CD164: variants seen among roughly 807,000 people sequenced by gnomAD.
CD164 encodes the protein CD164 molecule.
CD164 carries 11 observed loss-of-function variants against 24.6 expected under a neutral mutation model. The ratio of observed to expected loss-of-function variants is 0.45; its 90% confidence interval spans 0.28 to 0.74. CD164 has a LOEUF of 0.74. Ranked by LOEUF, CD164 falls within the 30% of genes least tolerant of loss-of-function variation. The pLI is 0.13. For missense variants in CD164, 295 were observed against 243.7 expected (o/e 1.21, Z -1.40); for synonymous variants, 126 against 100.3 (o/e 1.26, Z -1.53).
chr6:109,378,082 CA>C (rs1771522182), intron 2 of CD164, 111 bp from the exon 3 acceptor site: 1 of 809,730 alleles, frequency 1.2e-6, no homozygotes, highest in Non-Finnish European at 2.0e-6. Flanking sequence ...TAGAAGTGGG[CA>C]GGGGGAACCA....
At chr6:109,372,149 T>C (rs1562237287) in intron 4 of CD164, 1 of 152,178 alleles carries the variant, frequency 6.6e-6, no homozygotes, top group East Asian at 1.9e-4. Flanking sequence ...TTTCACTGCA[T>C]TAGACTTTCA....
Position 109,377,932 on chromosome 6 carries a change from C to T in CD164, c.299G>A (p.Cys100Tyr). ...GAAGTCTGTCGTGTTCCCCACTTGA[C>T]AATCACTAACTGTTGAGTTATGTGA... ...YCSHNSTVSD[C>Y]QVGNTTDFCS... Residue 100 changes from cysteine (C) to tyrosine (Y), a missense_variant, in exon 3 of 6, where the codon TGT becomes TAT. By Grantham distance (194) the Cys-to-Tyr change is radical. Transcript: ENST00000310786. 1 of 1,613,868 alleles carries T rather than the reference C, an allele frequency of 6.2e-7. No individual in the cohort carries two copies.
rs1771770230 is a variant in CD164 at position 109,381,842 on chromosome 6, C to T, written c.175+362G>A. 44 of 537,014 alleles carry T rather than the reference C, an allele frequency of 8.2e-5. 2 individuals carry two copies. In the South Asian group the frequency reaches 1.0e-3, roughly 12 times the overall value. The allele number at this position is 537,014 out of a possible 1,614,324, so 33.3% of individuals were successfully genotyped here. On this transcript the variant is annotated intron_variant, in intron 1 of 5. Transcript: ENST00000310786. ...CAACCTCAGAGGCGCGACGCCCGGC[C>T]CCATCCTCAACCCCACCGCTGCCCC...
intron 2 of CD164, 118 bp downstream of exon 2, chr6:109,379,460 AT>A (rs1350782030): frequency 3.5e-5 from 25 of 715,822 alleles, no homozygotes; most frequent in Non-Finnish European, 5.5e-5. Flanking sequence ...GGAGTACTGG[AT>A]TTGCAAAATA....
intron 5 of CD164, 124 bp downstream of exon 5, chr6:109,370,287 G>T: frequency 1.3e-6 from 1 of 744,678 alleles, no homozygotes; most frequent in Non-Finnish European, 2.3e-6. Flanking sequence ...CCCCCTAAGA[G>T]TAAGAGAAGA....
At chr6:109,377,557 G>A (rs1053439914) in intron 3 of CD164, among the ~76,000 whole-genome samples, 2 of 151,054 alleles carry the variant, frequency 1.3e-5, no homozygotes, top group Admixed American at 6.6e-5. Context: ...CCCCAGTATC[G>A]CAACACCAAA....
At chr6:109,379,255 T>C (rs1297873488) in intron 2 of CD164, among the ~76,000 whole-genome samples, 5 of 152,192 alleles carry the variant, frequency 3.3e-5, no homozygotes, top group Non-Finnish European at 5.9e-5. Flanking sequence ...ATCTGTAGTC[T>C]TGGCTACTAG....
At chr6:109,379,404 CA>C (rs1215972331) in intron 2 of CD164, among the ~76,000 whole-genome samples, 174 bp downstream of exon 2, 2 of 152,076 alleles carry the variant, frequency 1.3e-5, no homozygotes, top group African/African-American at 4.8e-5. Flanking sequence ...GGATGGGAGA[CA>C]AAAAGAGATT....
intron 4 of CD164, among the ~76,000 whole-genome samples, chr6:109,374,505 C>G (rs368190341): frequency 6.6e-6 from 1 of 152,296 alleles, no homozygotes; most frequent in Non-Finnish European, 1.5e-5. Flanking sequence ...ATTATTGTAA[C>G]AGGCTATCTA....
At chr6:109,372,998 G>A (rs1771170047) in intron 4 of CD164, 1 of 135,448 alleles carries the variant, frequency 7.4e-6, no homozygotes, top group African/African-American at 2.6e-5. Context: ...TACCTCTGTT[G>A]ACCTACTGTT....
rs965889355 is a variant in CD164, at chr6:109,367,136, T to C, written c.*1715A>G. On this transcript the variant is annotated 3_prime_UTR_variant, in exon 6 of 6. Transcript: ENST00000310786. ...GAATATTACTAATGGAAACAAAAAA[T>C]GTGAGGTAAACCGACCTTTCCCCAA... The C allele has an allele frequency of 6.6e-6, 1 of 152,552 alleles. No individual in the cohort carries two copies. Among genetic ancestry groups the C allele is most frequent in the Non-Finnish European group, 1.5e-5 (1 of 68,000 alleles). The allele number at this position is 152,552 out of a possible 1,614,324, so 9.4% of individuals were successfully genotyped here.
At chr6:109,379,464 G>A in intron 2 of CD164, 115 bp downstream of exon 2, 1 of 749,888 alleles carries the variant, frequency 1.3e-6, no homozygotes, top group Non-Finnish European at 2.2e-6. Flanking sequence ...TACTGGATTT[G>A]CAAAATAAAT....
intron 3 of CD164, among the ~76,000 whole-genome samples, chr6:109,377,603 C>G (rs1247775105): frequency 6.8e-6 from 1 of 147,524 alleles, no homozygotes; most frequent in Admixed American, 6.8e-5. Context: ...CTGCAAGATG[C>G]AAACATAGCG....
In CD164 at chr6:109,382,277, C is replaced by A. The variant is rs1771813435; in HGVS notation, c.102G>T (p.Thr34=). Residue 34 remains threonine (T), a synonymous_variant, in exon 1 of 6, where the codon ACG becomes ACT. Transcript: ENST00000310786. The part of the protein sequence containing the change: ...DKNTTQHPNV[T]TLAPISNVTS... ...TTACGTTGGAGATGGGCGCTAAAGTCGTCACGTTCGGGTGCTGGGTCGTGT... is the reference window on the plus strand; with the variant it reads ...TTACGTTGGAGATGGGCGCTAAAGTAGTCACGTTCGGGTGCTGGGTCGTGT... 24 of 1,588,364 alleles carry A rather than the reference C, an allele frequency of 1.5e-5. No homozygotes were observed. The highest frequency in any genetic ancestry group is 2.0e-5 in the Non-Finnish European group (23 of 1,170,044).
intron 1 of CD164, chr6:109,381,899 C>T (rs2115175431): frequency 2.1e-6 from 1 of 466,912 alleles, no homozygotes; most frequent in Non-Finnish European, 3.8e-6. Context: ...CATTTCCGAC[C>T]CCAAGTGAGG....
intron 3 of CD164, among the ~76,000 whole-genome samples, chr6:109,377,358 C>T (rs1331986566): frequency 1.3e-5 from 2 of 152,104 alleles, no homozygotes; most frequent in African/African-American, 4.8e-5. Context: ...ATGCCTTTCC[C>T]ACTGATTTAC....
At chr6:109,371,706 T>C (rs1036735068) in intron 4 of CD164, 1 of 153,788 alleles carries the variant, frequency 6.5e-6, no homozygotes, top group Admixed American at 6.5e-5. Context: ...GCTGGAGCAT[T>C]TGAGAAAGGT....
Position 109,368,246 on chromosome 6 carries a change from C to G in CD164, c.*605G>C. On this transcript the variant is annotated 3_prime_UTR_variant, in exon 6 of 6. Coordinates refer to ENST00000310786, the MANE Select transcript of CD164 (RefSeq NM_006016.6). The stretch of plus-strand genomic sequence containing the variant: ...ACATAAGATGCTTTACAAGTATGAA[C>G]AATAATCTGTTATACACACTAATGG... The G allele has an allele frequency of 6.6e-7, 1 of 1,518,746 alleles. No homozygotes were observed. The highest frequency in any genetic ancestry group is 8.9e-7 in the Non-Finnish European group (1 of 1,129,666). The allele number at this position is 1,518,746 out of a possible 1,614,324, so 94.1% of individuals were successfully genotyped here.
chr6:109,377,410 C>T (rs1313793919), intron 3 of CD164, among the ~76,000 whole-genome samples: 1 of 152,104 alleles, frequency 6.6e-6, no homozygotes, highest in Non-Finnish European at 1.5e-5. Context: ...AGAATTTTAA[C>T]GTTTTGCTGG....
Sources: allele counts gnomAD v4.1 joint callset (sites outside exome capture counted in the v4.1 genomes callset), GRCh38; gene constraint gnomAD v4.1.1; transcripts MANE v1.5; gene names NCBI Gene and HGNC (gene_info 2026-07-23, HGNC 2026-07-21).